Variants in CRYBG1 observed in about 807,000 individuals in gnomAD.
CRYBG1 encodes the protein beta/gamma crystallin domain-containing protein 1.
In CRYBG1, 139 loss-of-function variants were observed where a neutral mutation model predicts 189.2. The ratio of observed to expected loss-of-function variants is 0.73; its 90% CI spans 0.64 to 0.85. The LOEUF (loss-of-function observed/expected upper bound fraction) is 0.85. CRYBG1 is among the 40% of genes least tolerant of loss of function. The pLI is 0.00. For synonymous variants in CRYBG1, 1,023 were observed against 1,017.1 expected (o/e 1.01, Z -0.11); for missense variants, 2,611 against 2,675.8 (o/e 0.98, Z 0.53).
chr6:106,511,801 T>C lies in CRYBG1; in HGVS notation c.684T>C (p.His228=), dbSNP rs1773265420. 1 of 1,527,402 alleles carries C rather than the reference T, an allele frequency of 6.5e-7. No individual in the cohort carries two copies. The highest frequency in any genetic ancestry group is 8.8e-7 in the Non-Finnish European group (1 of 1,141,718). 94.6% of individuals were successfully genotyped at this position (1,527,402 alleles called of 1,614,324 possible). A position where few individuals can be genotyped will look rare whatever the true frequency, so the allele number is the denominator to read the frequency against. ...CGGCTGTGGCTGTGCAGCAGTGCCA[T>C]GAAAATGATTCACCCCAATTAGAAC... ...SAAAVAVQQC[H]ENDSPQLEPL... is the part of the protein sequence containing the mutation. The change falls in exon 3 of 22, where the codon CAT becomes CAC. Residue 228 remains histidine (H), a synonymous_variant. Coordinates refer to ENST00000633556, the MANE Select transcript of CRYBG1 (RefSeq NM_001371242.2).
intron 1 of CRYBG1, among the ~76,000 whole-genome samples, chr6:106,445,895 T>A (rs866062367): frequency 3.3e-5 from 5 of 152,180 alleles, no homozygotes; most frequent in Admixed American, 6.5e-5. Context: ...AAATAGATTG[T>A]GGGGTTTTGT....
At chr6:106,396,475 T>G (rs1770612742) in intron 1 of CRYBG1, among the ~76,000 whole-genome samples, 1 of 152,202 alleles carries the variant, frequency 6.6e-6, no homozygotes, top group Non-Finnish European at 1.5e-5. Context: ...TAATTTCATT[T>G]CCAGCATTTC....
intron 21 of CRYBG1, among the ~76,000 whole-genome samples, chr6:106,564,393 A>G (rs1264123324): frequency 6.6e-6 from 1 of 152,246 alleles, no homozygotes; most frequent in African/African-American, 2.4e-5. Flanking sequence ...CCTTTCATTG[A>G]AAAGATCTAA....
chr6:106,551,939 CA>C lies in CRYBG1; in HGVS notation c.5405del (p.Asn1802IlefsTer102). 1 of 1,610,342 alleles carries C rather than the reference CA, an allele frequency of 6.2e-7. No individual in the cohort carries two copies. ...FYTSFEDWGGKNCKISSVQPI... is the reference protein window; with the variant it reads ...FYTSFEDWGGXNCKISSVQPI... Reference sequence around the variant, plus strand: ...ATACCAGTTTTGAGGACTGGGGAGGCAAAAATTGTAAGATCTCTTCTGTTCA... The same window carrying C: ...ATACCAGTTTTGAGGACTGGGGAGGCAAAATTGTAAGATCTCTTCTGTTCA... On this transcript the variant is annotated frameshift_variant, in exon 14 of 22. Coordinates refer to ENST00000633556, the MANE Select transcript of CRYBG1 (RefSeq NM_001371242.2). LOFTEE classifies it high-confidence loss of function.
At chr6:106,442,328 G>A (rs1022067708) in intron 1 of CRYBG1, among the ~76,000 whole-genome samples, 2 of 152,184 alleles carry the variant, frequency 1.3e-5, no homozygotes, top group African/African-American at 4.8e-5. Context: ...TAAGGCAGAC[G>A]AGTTTCGTGC....
intron 1 of CRYBG1, among the ~76,000 whole-genome samples, chr6:106,432,965 G>C (rs568976646): frequency 6.7e-6 from 1 of 149,780 alleles, no homozygotes; most frequent in African/African-American, 2.5e-5. Flanking sequence ...TTAGACTCCT[G>C]AGTAGCTGGA....
intron 2 of CRYBG1, among the ~76,000 whole-genome samples, chr6:106,487,188 C>G (rs1023338169): frequency 2.0e-5 from 3 of 152,174 alleles, no homozygotes; most frequent in Non-Finnish European, 2.9e-5. Flanking sequence ...TACAAATACT[C>G]TAGGCTCCTC....
rs1420871037 is a variant in CRYBG1, at chr6:106,544,681, T to C, written c.5150T>C (p.Leu1717Ser). 1.2e-6 allele frequency: 2 copies of C among 1,614,038 alleles called. No individual in the cohort carries two copies. The highest frequency in any genetic ancestry group is 3.3e-5 in the Admixed American group (2 of 59,990). The change falls in exon 12 of 22, where the codon TTA becomes TCA. Residue 1717 changes from leucine to serine, a missense_variant. Physicochemically the swap from Leu to Ser is moderately radical, Grantham distance 145 (BLOSUM62 -2). Around this residue, in one of 3 missense-constraint regions of CRYBG1, gnomAD observed 1,622 missense variants for 1,735.0 expected, o/e 0.93. Coordinates refer to ENST00000633556, the MANE Select transcript of CRYBG1 (RefSeq NM_001371242.2). ...WGGYNGELQSLRPILGDFSNA... is the reference protein window; with the variant it reads ...WGGYNGELQSSRPILGDFSNA... ...GGTTACAATGGAGAGCTTCAGTCTT[T>C]ACGACCTATATTAGGTGTAAGTAAA...
intron 2 of CRYBG1, among the ~76,000 whole-genome samples, chr6:106,493,067 C>T (rs541378878): frequency 6.6e-6 from 1 of 151,324 alleles, no homozygotes; most frequent in Non-Finnish European, 1.5e-5. Flanking sequence ...GAGTTTAGAT[C>T]AGGAAAAAAT....
chr6:106,462,539 A>C (rs1772036000), intron 2 of CRYBG1, among the ~76,000 whole-genome samples: 1 of 152,208 alleles, frequency 6.6e-6, no homozygotes, highest in African/African-American at 2.4e-5. Context: ...CTGCTGGGTT[A>C]CGTTCTCTGA....
intron 2 of CRYBG1, among the ~76,000 whole-genome samples, chr6:106,472,566 T>C (rs1772253749): frequency 6.6e-6 from 1 of 152,118 alleles, no homozygotes; most frequent in African/African-American, 2.4e-5. Flanking sequence ...AAGCTTTTTA[T>C]GGAATTATAG....
chr6:106,540,507 G>T (rs1774105345), intron 9 of CRYBG1, among the ~76,000 whole-genome samples: 1 of 152,154 alleles, frequency 6.6e-6, no homozygotes, highest in East Asian at 1.9e-4. Flanking sequence ...CACTTTCAAA[G>T]AACAAAGTTT....
intron 2 of CRYBG1, among the ~76,000 whole-genome samples, chr6:106,471,891 A>G (rs951653268): frequency 1.3e-5 from 2 of 152,142 alleles, no homozygotes; most frequent in African/African-American, 4.8e-5. Flanking sequence ...TTTACCCCCT[A>G]TCTCTCATCT....
At chr6:106,550,321 A>T (rs926744883) in intron 13 of CRYBG1, among the ~76,000 whole-genome samples, 10 of 152,350 alleles carry the variant, frequency 6.6e-5, no homozygotes, top group African/African-American at 2.2e-4. Context: ...CACCCTACAT[A>T]ATACATACAT....
rs569327887 is a variant in CRYBG1 at position 106,488,224 on chromosome 6, T to C, written c.313-23206T>C. On this transcript the variant is annotated intron_variant, in intron 2 of 21. Transcript: ENST00000633556. ...CAGGCCAGCAGATTATGTGGTGGGCTCTCCTTAATGGCATGGTCACCACTG... is the reference window on the plus strand; with the variant it reads ...CAGGCCAGCAGATTATGTGGTGGGCCCTCCTTAATGGCATGGTCACCACTG... Among the ~76,000 whole-genome samples the C allele has an allele frequency of 1.1e-4, 16 of 152,192 alleles. 1 individual carries two copies. The highest frequency in any genetic ancestry group is 9.2e-4 in the Admixed American group (14 of 15,286).
At chr6:106,417,463 G>A (rs528866118) in intron 1 of CRYBG1, among the ~76,000 whole-genome samples, 6 of 152,228 alleles carry the variant, frequency 3.9e-5, no homozygotes, top group Non-Finnish European at 7.4e-5. Context: ...AGAACGAAAC[G>A]TGGAAGGTAG....
At chr6:106,493,695 G>A (rs1293478506) in intron 2 of CRYBG1, among the ~76,000 whole-genome samples, 1 of 152,182 alleles carries the variant, frequency 6.6e-6, no homozygotes, top group Non-Finnish European at 1.5e-5. Context: ...ATTATCCTCA[G>A]CAAACTAATG....
chr6:106,536,808 A>G (rs1052469010), intron 8 of CRYBG1, among the ~76,000 whole-genome samples: 4 of 152,246 alleles, frequency 2.6e-5, no homozygotes, highest in African/African-American at 7.2e-5. Flanking sequence ...ACCCAAGTAC[A>G]TGGGAAAATA....
chr6:106,363,670 T>C (rs1582721085), intron 1 of CRYBG1, among the ~76,000 whole-genome samples: 1 of 152,156 alleles, frequency 6.6e-6, no homozygotes, highest in East Asian at 1.9e-4. Context: ...GCCACCCATA[T>C]TTGCTTATTT....
Sources: allele counts gnomAD v4.1 joint callset (sites outside exome capture counted in the v4.1 genomes callset), GRCh38; gene constraint gnomAD v4.1.1; regional missense constraint gnomAD v4.1.1; transcripts MANE v1.5; gene names NCBI Gene and HGNC (gene_info 2026-07-23, HGNC 2026-07-21).